HELLS: variants seen among roughly 807,000 people sequenced by gnomAD.
The protein encoded by HELLS is helicase, lymphoid specific, also known as lymphoid-specific helicase.
In HELLS, 32 loss-of-function variants were observed where a neutral mutation model predicts 120.0. The observed-to-expected ratio is 0.27, with a 90% CI of 0.20 to 0.36. HELLS has a LOEUF of 0.36. Ranked by LOEUF, HELLS falls within the 10% of genes least tolerant of loss-of-function variation. The pLI, the probability that HELLS is intolerant of heterozygous loss-of-function variation, is 1.00. For synonymous variants in HELLS, 341 were observed against 323.4 expected (o/e 1.05, Z -0.58); for missense variants, 650 against 993.4 (o/e 0.65, Z 4.65).
chr10:94,582,301 T>C (rs1247704718), intron 11 of HELLS, among the ~76,000 whole-genome samples: 10 of 152,180 alleles, frequency 6.6e-5, no homozygotes, highest in African/African-American at 2.4e-4. Context: ...TTCCAGGTCC[T>C]GTGCAGACAT....
At chr10:94,576,459 GT>G (rs1448108833) in intron 9 of HELLS, among the ~76,000 whole-genome samples, 1 of 149,860 alleles carries the variant, frequency 6.7e-6, no homozygotes. Flanking sequence ...GCCTGACTTT[GT>G]TTTTTTGTTT....
chr10:94,611,279 A>G (rs187262325), exon 10 of HELLS: 67 of 152,330 alleles, frequency 4.4e-4, no homozygotes, highest in African/African-American at 1.6e-3. Flanking sequence ...GGGTTAGTGC[A>G]CAAAAGGACA....
intron 12 of HELLS, among the ~76,000 whole-genome samples, chr10:94,587,577 G>T (rs941270910): frequency 7.9e-5 from 12 of 151,980 alleles, no homozygotes; most frequent in Non-Finnish European, 1.5e-4. Flanking sequence ...ACAGGTACCC[G>T]CCAGCACACC....
At position 94,613,761 on chromosome 10, in the gene HELLS, ATTG is replaced by A. The variant is rs568048148; in HGVS notation, c.*3914_*3916del. 49 of 152,248 alleles carry A rather than the reference ATTG, an allele frequency of 3.2e-4. 1 individual carries two copies. The highest frequency in any genetic ancestry group is 2.9e-3 in the Admixed American group (44 of 15,284). 9.4% of individuals were successfully genotyped at this position (152,248 alleles called of 1,614,324 possible). On this transcript the variant is annotated 3_prime_UTR_variant, in exon 10 of 10. Transcript: ENST00000371327. The stretch of plus-strand genomic sequence containing the variant: ...GCATGATATTAACTTTTTGGAGTAT[ATTG>A]TTGCATCTTTGTGGCCTAGTACATA...
chr10:94,575,158 G>T, intron 9 of HELLS, among the ~76,000 whole-genome samples: 1 of 139,964 alleles, frequency 7.1e-6, no homozygotes. Flanking sequence ...GGAGGGCAGT[G>T]ATGCAGTCTT....
Position 94,583,075 on chromosome 10 carries a change from T to G in HELLS, c.1326+16T>G. 1 of 1,455,452 alleles carries G rather than the reference T, an allele frequency of 6.9e-7. No individual in the cohort carries two copies. The highest frequency in any genetic ancestry group is 1.4e-5 in the African/African-American group (1 of 71,032). 90.2% of individuals were successfully genotyped at this position (1,455,452 alleles called of 1,614,324 possible). ...GCTGCACCAGGTTTTCCATGTTTTC[T>G]TATTCTGCTTAACCATAGGCTCGAT... On this transcript the variant is annotated intron_variant, in intron 12 of 21. Coordinates refer to ENST00000348459, the MANE Select transcript of HELLS (RefSeq NM_018063.5).
chr10:94,601,751 C>G lies in HELLS; in HGVS notation c.*129C>G. ...CAGTTGACATGTAACTAGTACCATG[C>G]GTACTTAAATAGATGGTAATTTTCT... On this transcript the variant is annotated 3_prime_UTR_variant, in exon 22 of 22. Coordinates refer to ENST00000348459, the MANE Select transcript of HELLS (RefSeq NM_018063.5). 1.9e-6 allele frequency: 1 copy of G among 519,490 alleles called. No homozygotes were observed. The highest frequency in any genetic ancestry group is 2.6e-5 in the South Asian group (1 of 37,966). The allele number at this position is 519,490 out of a possible 1,614,324, so 32.2% of individuals were successfully genotyped here.
At chr10:94,557,096 T>C (rs1230813631) in intron 3 of HELLS, 1 of 277,258 alleles carries the variant, frequency 3.6e-6, no homozygotes, top group East Asian at 1.2e-4. Context: ...CACCTGATTC[T>C]CTTTACCTTG....
At chr10:94,580,598 A>G (rs1395894668) in intron 10 of HELLS, among the ~76,000 whole-genome samples, 1 of 152,178 alleles carries the variant, frequency 6.6e-6, no homozygotes, top group Admixed American at 6.5e-5. Flanking sequence ...GGTTATTTTA[A>G]TAAAGAAGAT....
chr10:94,609,442 G>C (rs1013621466), intron 9 of HELLS, among the ~76,000 whole-genome samples: 17 of 152,196 alleles, frequency 1.1e-4, no homozygotes, highest in Non-Finnish European at 1.6e-4. Context: ...GATTAATTCT[G>C]CATAGCAAAA....
chr10:94,586,338 G>A (rs1242217948), intron 12 of HELLS, among the ~76,000 whole-genome samples: 1 of 152,152 alleles, frequency 6.6e-6, no homozygotes, highest in African/African-American at 2.4e-5. Flanking sequence ...AGCCGGGATG[G>A]TCTCGATCTC....
chr10:94,556,037 T>C (rs567821452), intron 3 of HELLS, among the ~76,000 whole-genome samples: 1 of 152,346 alleles, frequency 6.6e-6, no homozygotes, highest in East Asian at 1.9e-4. Flanking sequence ...CCCTGATTTA[T>C]AGCTATTCAG....
At chr10:94,607,209 T>G (rs1846138665) in intron 8 of HELLS, among the ~76,000 whole-genome samples, 2 of 127,766 alleles carry the variant, frequency 1.6e-5, no homozygotes, top group Non-Finnish European at 3.5e-5. Flanking sequence ...GGGGCCATGG[T>G]GTTTGACTCT....
intron 6 of HELLS, among the ~76,000 whole-genome samples, chr10:94,563,177 C>CTATATCTG (rs1843635573): frequency 6.6e-6 from 1 of 151,686 alleles, no homozygotes; most frequent in South Asian, 2.1e-4. Context: ...CTCACTGCAA[C>CTATATCTG]CTCCACCTCG....
At chr10:94,554,868 A>G (rs2133999463) in intron 3 of HELLS, among the ~76,000 whole-genome samples, 1 of 152,136 alleles carries the variant, frequency 6.6e-6, no homozygotes, top group African/African-American at 2.4e-5. Flanking sequence ...AAAACCCAAA[A>G]GGGCTGGGTG....
intron 10 of HELLS, chr10:94,577,187 T>C (rs1371156998): frequency 7.4e-5 from 23 of 308,728 alleles, no homozygotes; most frequent in Non-Finnish European, 2.5e-5. Context: ...TATTGGACTA[T>C]TTGGTAGCAT....
At chr10:94,561,725 C>T (rs933853457) in intron 4 of HELLS, among the ~76,000 whole-genome samples, 1 of 152,084 alleles carries the variant, frequency 6.6e-6, no homozygotes, top group African/African-American at 2.4e-5. Context: ...CCTAGTCCTC[C>T]TAAAGTGCTG....
At chr10:94,594,026 G>A (rs1362247828) in intron 18 of HELLS, among the ~76,000 whole-genome samples, 1 of 150,550 alleles carries the variant, frequency 6.6e-6, no homozygotes, top group South Asian at 2.1e-4. Flanking sequence ...CCCAGGCTGG[G>A]ATTAAGTGCT....
In HELLS at chr10:94,594,705, C is replaced by T. The variant is rs1179599077; in HGVS notation, c.2099C>T (p.Ser700Leu). Residue 700 changes from serine (S) to leucine (L), a missense_variant, in exon 19 of 22, where the codon TCG (serine) becomes TTG (leucine). Ser to Leu is a moderately radical substitution (Grantham distance 145). Around this residue, in one of 9 missense-constraint regions of HELLS, gnomAD observed 22 missense variants for 78.2 expected, o/e 0.28. Coordinates refer to ENST00000348459, the MANE Select transcript of HELLS (RefSeq NM_018063.5). Reference protein sequence around the residue: ...IIYDSDWNPQSDLQAQDRCHR... With the variant: ...IIYDSDWNPQLDLQAQDRCHR... ...CTTTTTAACTTTAAGAACCCCCAGT[C>T]GGATCTTCAGGCCCAGGATAGATGT... is the stretch of plus-strand genomic sequence containing the variant. The T allele has an allele frequency of 1.0e-5, 16 of 1,604,810 alleles. No homozygotes were observed. Among genetic ancestry groups the T allele is most frequent in the African/African-American group, 1.3e-5 (1 of 74,304 alleles).
Sources: gnomAD v4.1 joint callset for allele counts (sites outside exome capture counted in the v4.1 genomes callset) on GRCh38, gnomAD v4.1.1 for gene constraint, gnomAD v4.1.1 regional missense constraint, MANE v1.5 for transcripts, NCBI Gene and HGNC (gene_info 2026-07-23, HGNC 2026-07-21) for gene names.